The following ARHGEF3 variants were observed in gnomAD, a reference collection of about 807,000 sequenced individuals.
ARHGEF3 encodes the protein Rho guanine nucleotide exchange factor 3, also known as 59.8 kDA protein.
A neutral mutation model predicts 63.2 loss-of-function variants in ARHGEF3; 28 were observed. That is an observed-to-expected ratio of 0.44 (90% CI 0.33 to 0.61). ARHGEF3 has a LOEUF of 0.61. ARHGEF3 is among the 20% of genes least tolerant of loss of function. The pLI, the probability that ARHGEF3 is intolerant of heterozygous loss-of-function variation, is 0.03. For synonymous variants in ARHGEF3, 266 were observed against 254.2 expected (o/e 1.05, Z -0.44); for missense variants, 533 against 659.3 (o/e 0.81, Z 2.10).
At chr3:56,821,379 C>T (rs2108038773) in intron 4 of ARHGEF3, among the ~76,000 whole-genome samples, 1 of 152,270 alleles carries the variant, frequency 6.6e-6, no homozygotes, top group Non-Finnish European at 1.5e-5. Flanking sequence ...AAGCAGATCA[C>T]AAGGTATCAT....
At chr3:56,934,130 G>C (rs1392005491) in intron 3 of ARHGEF3, among the ~76,000 whole-genome samples, 1 of 152,184 alleles carries the variant, frequency 6.6e-6, no homozygotes, top group Non-Finnish European at 1.5e-5. Flanking sequence ...CTTTACAGCA[G>C]TGTGAAAATG....
chr3:56,889,524 G>C (rs1427857101), intron 3 of ARHGEF3, among the ~76,000 whole-genome samples: 2 of 152,100 alleles, frequency 1.3e-5, no homozygotes, highest in Admixed American at 1.3e-4. Flanking sequence ...TCCTCAGCCC[G>C]GTTTAAGTAA....
intron 2 of ARHGEF3, among the ~76,000 whole-genome samples, chr3:56,990,715 A>G (rs73088024): frequency 0.2 from 29,861 of 152,102 alleles, 3,129 homozygotes; most frequent in Admixed American, 0.25. Flanking sequence ...GGACTTTGCT[A>G]TTTGCTTAGA....
chr3:56,753,399 TC>T, intron 4 of ARHGEF3, 104 bp downstream of exon 4: 1 of 950,414 alleles, frequency 1.1e-6, no homozygotes, highest in Non-Finnish European at 1.6e-6. Context: ...AGCAGACCAG[TC>T]TTAGTCATAA....
rs935878630 is a variant in ARHGEF3 at position 56,769,011 on chromosome 3, G to A, written c.204+4698C>T. Reference sequence around the variant, plus strand: ...CACCTATGCCTAGAATAGTGCTAGAGGGAAACTGGTAAACTATTAATGGAT... The same window carrying A: ...CACCTATGCCTAGAATAGTGCTAGAAGGAAACTGGTAAACTATTAATGGAT... On this transcript the variant is annotated intron_variant, in intron 2 of 9. Transcript: ENST00000296315. Among the ~76,000 whole-genome samples the A allele has an allele frequency of 3.9e-5, 6 of 152,366 alleles. 2 individuals carry two copies. Among genetic ancestry groups the A allele is most frequent in the Admixed American group, 6.5e-5 (1 of 15,310 alleles).
At chr3:56,879,393 G>A (rs899581529) in intron 4 of ARHGEF3, among the ~76,000 whole-genome samples, 1 of 152,116 alleles carries the variant, frequency 6.6e-6, no homozygotes, top group South Asian at 2.1e-4. Context: ...TACATTAGGC[G>A]AGTTCACTGT....
chr3:56,910,486 T>C (rs148568290), intron 3 of ARHGEF3, among the ~76,000 whole-genome samples: 1 of 152,312 alleles, frequency 6.6e-6, no homozygotes, highest in African/African-American at 2.4e-5. Context: ...ACTGGTGATA[T>C]AATATAATCT....
At chr3:56,877,970 C>T (rs1445911359) in intron 4 of ARHGEF3, among the ~76,000 whole-genome samples, 2 of 152,110 alleles carry the variant, frequency 1.3e-5, no homozygotes, top group African/African-American at 4.8e-5. Flanking sequence ...GAAGGAAATA[C>T]ATCAAAATGT....
chr3:56,834,827 C>T (rs1312498901), intron 4 of ARHGEF3, among the ~76,000 whole-genome samples: 1 of 150,138 alleles, frequency 6.7e-6, no homozygotes, highest in African/African-American at 2.4e-5. Flanking sequence ...CAAAATAAGA[C>T]AAGCAAGACA....
intron 3 of ARHGEF3, among the ~76,000 whole-genome samples, chr3:56,909,926 C>T (rs2041810647): frequency 6.6e-6 from 1 of 152,142 alleles, no homozygotes; most frequent in African/African-American, 2.4e-5. Flanking sequence ...AACTCTGAGC[C>T]TACATCTTAC....
chr3:56,964,350 CAAAAAAAA>C (rs11347724), intron 2 of ARHGEF3, among the ~76,000 whole-genome samples: 1 of 101,140 alleles, frequency 9.9e-6, no homozygotes, highest in Non-Finnish European at 2.0e-5. Context: ...AAGACTGTCT[CAAAAAAAA>C]AAAAAAAAAA....
chr3:56,819,252 T>G (rs967594949), intron 4 of ARHGEF3, among the ~76,000 whole-genome samples: 1 of 152,214 alleles, frequency 6.6e-6, no homozygotes, highest in African/African-American at 2.4e-5. Context: ...AGAAGGTATG[T>G]ATCAAGGGCT....
At chr3:57,021,641 T>C (rs2107164682) in intron 2 of ARHGEF3, among the ~76,000 whole-genome samples, 1 of 151,642 alleles carries the variant, frequency 6.6e-6, no homozygotes, top group South Asian at 2.1e-4. Flanking sequence ...TAACCCCAGC[T>C]ACTTGGGAGG....
chr3:56,911,285 G>A (rs1001193909), intron 3 of ARHGEF3, among the ~76,000 whole-genome samples: 4 of 152,148 alleles, frequency 2.6e-5, no homozygotes, highest in Admixed American at 6.6e-5. Context: ...ATAAGGATCT[G>A]TCATGGGTTA....
At chr3:56,970,129 C>A (rs1365479126) in intron 2 of ARHGEF3, among the ~76,000 whole-genome samples, 1 of 152,108 alleles carries the variant, frequency 6.6e-6, no homozygotes, top group Non-Finnish European at 1.5e-5. Flanking sequence ...GATGGGTGCA[C>A]AACCTTGTGA....
chr3:56,827,639 G>T (rs1009309719), intron 4 of ARHGEF3, among the ~76,000 whole-genome samples: 5 of 150,208 alleles, frequency 3.3e-5, no homozygotes, highest in African/African-American at 1.2e-4. Flanking sequence ...CCCTGGCCAG[G>T]TATGGTGACT....
intron 1 of ARHGEF3, among the ~76,000 whole-genome samples, chr3:57,042,233 C>G (rs138451236): frequency 6.6e-6 from 1 of 152,046 alleles, no homozygotes; most frequent in Non-Finnish European, 1.5e-5. Context: ...AACTGTCCAT[C>G]GATAAGGCAC....
At chr3:57,056,384 CAAAA>C (rs10666149) in intron 1 of ARHGEF3, among the ~76,000 whole-genome samples, 6 of 108,344 alleles carry the variant, frequency 5.5e-5, no homozygotes, top group Non-Finnish European at 1.1e-4. Flanking sequence ...AAGACTCCAT[CAAAA>C]AAAAAAAAAA....
At chr3:56,879,532 A>G (rs2040699404) in intron 4 of ARHGEF3, among the ~76,000 whole-genome samples, 1 of 152,228 alleles carries the variant, frequency 6.6e-6, no homozygotes, top group African/African-American at 2.4e-5. Context: ...TCTTGTTCAA[A>G]GCACACATCT....
Sources: gnomAD v4.1 joint callset for allele counts (sites outside exome capture counted in the v4.1 genomes callset) on GRCh38, gnomAD v4.1.1 for gene constraint, MANE v1.5 for transcripts, NCBI Gene and HGNC (gene_info 2026-07-23, HGNC 2026-07-21) for gene names.